The following ADARB2 variants were observed in gnomAD, a reference collection of about 807,000 sequenced individuals.
ADARB2 encodes adenosine deaminase RNA specific B2 (inactive), also known as inactive double-stranded RNA-specific editase B2.
ADARB2 carries 25 observed loss-of-function variants against 62.2 expected under a neutral mutation model. The observed-to-expected ratio is 0.40, with a 90% confidence interval of 0.29 to 0.56. The LOEUF (loss-of-function observed/expected upper bound fraction) is 0.56, where lower values mean the gene tolerates loss of function less well. Ranked by LOEUF, ADARB2 falls within the 20% of genes least tolerant of loss-of-function variation. The pLI is 0.43. For missense variants in ADARB2, 1,071 were observed against 1,077.4 expected (o/e 0.99, Z 0.08); for synonymous variants, 572 against 500.8 (o/e 1.14, Z -1.90).
chr10:1,355,855 T>C (rs1449873325), intron 3 of ADARB2, among the ~76,000 whole-genome samples: 6 of 152,244 alleles, frequency 3.9e-5, no homozygotes, highest in Admixed American at 3.3e-4. Context: ...GTACATTGTA[T>C]ATATGTTGTG....
At chr10:1,338,839 T>A (rs1831997146) in intron 3 of ADARB2, among the ~76,000 whole-genome samples, 1 of 152,154 alleles carries the variant, frequency 6.6e-6, no homozygotes, top group Non-Finnish European at 1.5e-5. Flanking sequence ...GGGTGGGCTG[T>A]CTGCTTCCTT....
chr10:1,286,475 C>T (rs1564246732), intron 3 of ADARB2, among the ~76,000 whole-genome samples: 1 of 152,178 alleles, frequency 6.6e-6, no homozygotes, highest in African/African-American at 2.4e-5. Flanking sequence ...AATTATCTGA[C>T]TATTTAATTA....
intron 3 of ADARB2, among the ~76,000 whole-genome samples, chr10:1,302,374 T>G (rs1489388688): frequency 1.3e-5 from 2 of 151,724 alleles, no homozygotes; most frequent in Non-Finnish European, 2.9e-5. Flanking sequence ...GCTCGGAGGG[T>G]CCTACCCCAC....
chr10:1,339,045 G>A (rs1831999096), intron 3 of ADARB2, among the ~76,000 whole-genome samples: 1 of 152,196 alleles, frequency 6.6e-6, no homozygotes, highest in Non-Finnish European at 1.5e-5. Flanking sequence ...GGTTGGATAG[G>A]ATGTATCTTT....
At chr10:1,362,824 C>T (rs1832272275) in intron 3 of ADARB2, among the ~76,000 whole-genome samples, 1 of 152,222 alleles carries the variant, frequency 6.6e-6, no homozygotes, top group South Asian at 2.1e-4. Context: ...TCCCGGGCAG[C>T]CGCATTGTCA....
At chr10:1,492,450 C>T (rs1432080862) in intron 1 of ADARB2, among the ~76,000 whole-genome samples, 1 of 152,058 alleles carries the variant, frequency 6.6e-6, no homozygotes, top group African/African-American at 2.4e-5. Context: ...GACGCTAAGG[C>T]AGAGATTGAA....
At chr10:1,314,076 G>C (rs1831715808) in intron 3 of ADARB2, among the ~76,000 whole-genome samples, 1 of 152,268 alleles carries the variant, frequency 6.6e-6, no homozygotes, top group Admixed American at 6.5e-5. Flanking sequence ...GTGGACCTGA[G>C]GCTCGGAGAC....
At chr10:1,644,268 T>C (rs1834009732) in intron 1 of ADARB2, among the ~76,000 whole-genome samples, 1 of 152,220 alleles carries the variant, frequency 6.6e-6, no homozygotes, top group Admixed American at 6.5e-5. Context: ...CCACTACTGA[T>C]TTACTGCGCT....
chr10:1,733,017 A>G (rs915128454), intron 1 of ADARB2, among the ~76,000 whole-genome samples: 5 of 152,218 alleles, frequency 3.3e-5, no homozygotes, highest in Admixed American at 2.6e-4. Flanking sequence ...TGTATAACCA[A>G]CCACTCTAGA....
intron 8 of ADARB2, 89 bp from the exon 9 acceptor site, chr10:1,185,128 T>C (rs1836734790): frequency 6.9e-7 from 1 of 1,450,674 alleles, no homozygotes; most frequent in African/African-American, 1.4e-5. Flanking sequence ...ATGGAGCCTG[T>C]ATGTGAGTGG....
At chr10:1,631,524 C>T (rs1279422618) in intron 1 of ADARB2, among the ~76,000 whole-genome samples, 5 of 152,218 alleles carry the variant, frequency 3.3e-5, no homozygotes, top group Non-Finnish European at 2.9e-5. Flanking sequence ...AACAGCAGTG[C>T]TTCCGTCACT....
At chr10:1,413,869 A>T (rs926129985) in intron 1 of ADARB2, among the ~76,000 whole-genome samples, 8 of 152,194 alleles carry the variant, frequency 5.3e-5, no homozygotes, top group African/African-American at 1.7e-4. Context: ...AAGTTTTGCG[A>T]TACCCAGTGA....
intron 6 of ADARB2, among the ~76,000 whole-genome samples, chr10:1,232,592 G>A (rs974870092): frequency 1.4e-4 from 17 of 124,480 alleles, no homozygotes; most frequent in African/African-American, 4.8e-4. Flanking sequence ...TATGCATGTG[G>A]TATATGTGGT....
At chr10:1,637,423 A>G (rs1833929640) in intron 1 of ADARB2, among the ~76,000 whole-genome samples, 1 of 152,212 alleles carries the variant, frequency 6.6e-6, no homozygotes, top group South Asian at 2.1e-4. Context: ...GTCTAATGAA[A>G]CCCATTATAC....
intron 3 of ADARB2, among the ~76,000 whole-genome samples, chr10:1,351,313 C>T (rs1288244001): frequency 6.6e-6 from 1 of 152,126 alleles, no homozygotes; most frequent in Non-Finnish European, 1.5e-5. Flanking sequence ...TCCCCTTCTT[C>T]ATCAATACGG....
chr10:1,222,029 A>T (rs1223580177), intron 6 of ADARB2, among the ~76,000 whole-genome samples: 1 of 152,170 alleles, frequency 6.6e-6, no homozygotes, highest in Non-Finnish European at 1.5e-5. Context: ...TTACAGTCCC[A>T]CCAACAGTGT....
rs114377618 is a variant in ADARB2 at position 1,390,573 on chromosome 10, T to C, written c.101-11413A>G. Among the ~76,000 whole-genome samples, 1,084 of 152,354 alleles carry C rather than the reference T, an allele frequency of 7.1e-3. 16 individuals are homozygous for C. The highest frequency in any genetic ancestry group is 0.024 in the African/African-American group (1,012 of 41,580). ...AAAGAAGAAAATTGAGGATGATAGATATTAAATGAAGATCTCTGCTAGGAA... is the reference window on the plus strand; with the variant it reads ...AAAGAAGAAAATTGAGGATGATAGACATTAAATGAAGATCTCTGCTAGGAA... On this transcript the variant is annotated intron_variant, in intron 1 of 9. Transcript: ENST00000381312.
intron 1 of ADARB2, among the ~76,000 whole-genome samples, chr10:1,640,607 C>T (rs182513378): frequency 3.7e-4 from 57 of 152,174 alleles, no homozygotes; most frequent in African/African-American, 3.6e-4. Flanking sequence ...TAACAAACTA[C>T]GTAGGTGAAT....
At chr10:1,678,554 A>G (rs925565570) in intron 1 of ADARB2, among the ~76,000 whole-genome samples, 1 of 151,326 alleles carries the variant, frequency 6.6e-6, no homozygotes, top group Non-Finnish European at 1.5e-5. Context: ...GTCGCTTTTT[A>G]TCCTCTACAA....
Sources: gnomAD v4.1 joint callset for allele counts (sites outside exome capture counted in the v4.1 genomes callset) on GRCh38, gnomAD v4.1.1 for gene constraint, MANE v1.5 for transcripts, NCBI Gene and HGNC (gene_info 2026-07-23, HGNC 2026-07-21) for gene names.